Variants in ADAMTS6 observed in about 807,000 individuals in gnomAD.
ADAMTS6 encodes ADAM metallopeptidase with thrombospondin type 1 motif 6.
Under a neutral mutation model 144.3 loss-of-function variants are expected in ADAMTS6, and 23 were observed. The observed-to-expected ratio is 0.16, with a 90% CI of 0.11 to 0.23. The LOEUF (loss-of-function observed/expected upper bound fraction) is 0.23. Among genes scored for constraint, ADAMTS6 ranks in the 10% least tolerant of loss-of-function variants. ADAMTS6 has a pLI of 1.00. For synonymous variants in ADAMTS6, 444 were observed against 457.5 expected (o/e 0.97, Z 0.38); for missense variants, 999 against 1,379.6 (o/e 0.72, Z 4.37).
chr5:65,421,735 T>G (rs184143360), intron 7 of ADAMTS6, among the ~76,000 whole-genome samples: 159 of 152,238 alleles, frequency 1.0e-3, no homozygotes, highest in African/African-American at 3.8e-3. Flanking sequence ...ACATAAATGG[T>G]GCTTGGAAAA....
chr5:65,239,993 ACTC>A (rs1417714116), intron 15 of ADAMTS6, among the ~76,000 whole-genome samples: 1 of 152,114 alleles, frequency 6.6e-6, no homozygotes, highest in Non-Finnish European at 1.5e-5. Context: ...CAGCAATTCT[ACTC>A]CTAAGTATTT....
At chr5:65,256,202 C>T (rs1456812259) in intron 14 of ADAMTS6, among the ~76,000 whole-genome samples, 1 of 152,216 alleles carries the variant, frequency 6.6e-6, no homozygotes, top group Admixed American at 6.6e-5. Context: ...TTCTGTTCTT[C>T]AGCTGCACTA....
chr5:65,229,911 A>G (rs1758015737), intron 15 of ADAMTS6, among the ~76,000 whole-genome samples: 1 of 152,160 alleles, frequency 6.6e-6, no homozygotes, highest in African/African-American at 2.4e-5. Flanking sequence ...CATGAAGCTC[A>G]AAGATCTCTA....
chr5:65,334,216 C>T (rs1311633052), intron 7 of ADAMTS6, 131 bp from the exon 8 acceptor site: 5 of 1,043,440 alleles, frequency 4.8e-6, no homozygotes, highest in Non-Finnish European at 6.8e-6. Flanking sequence ...ACTGGAGTGT[C>T]GGCATTTTCA....
At chr5:65,215,934 G>A (rs1756883907) in intron 18 of ADAMTS6, among the ~76,000 whole-genome samples, 1 of 152,118 alleles carries the variant, frequency 6.6e-6, no homozygotes, top group African/African-American at 2.4e-5. Context: ...GTTCATATGG[G>A]AATTCTGTTT....
chr5:65,226,662 T>C (rs963381107), intron 15 of ADAMTS6, among the ~76,000 whole-genome samples: 1 of 152,072 alleles, frequency 6.6e-6, no homozygotes, highest in Non-Finnish European at 1.5e-5. Flanking sequence ...GTCAGCTCAC[T>C]GCAACCTCTG....
At chr5:65,315,673 C>T (rs1744924505) in intron 9 of ADAMTS6, among the ~76,000 whole-genome samples, 1 of 140,298 alleles carries the variant, frequency 7.1e-6, no homozygotes, top group Non-Finnish European at 1.5e-5. Context: ...CATGCTAACA[C>T]TAATCTAAAG....
chr5:65,357,893 T>C (rs1214832986), intron 7 of ADAMTS6, among the ~76,000 whole-genome samples: 4 of 151,838 alleles, frequency 2.6e-5, no homozygotes, highest in Non-Finnish European at 4.4e-5. Context: ...CACTAGTGAA[T>C]TATACTAAAT....
chr5:65,375,581 G>A (rs1268003445), intron 7 of ADAMTS6, among the ~76,000 whole-genome samples: 1 of 152,080 alleles, frequency 6.6e-6, no homozygotes, highest in South Asian at 2.1e-4. Flanking sequence ...ACATCAGTTA[G>A]AATGGCAATC....
intron 22 of ADAMTS6, among the ~76,000 whole-genome samples, chr5:65,176,127 G>T (rs995858253): frequency 1.1e-4 from 9 of 82,732 alleles, no homozygotes; most frequent in South Asian, 6.0e-4. Flanking sequence ...GGGAAAAAAA[G>T]GGGGGGGCAG....
rs1754782968 is a variant in ADAMTS6 at position 65,188,103 on chromosome 5, A to G, written c.2823T>C (p.Ser941=). Residue 941 remains serine, a synonymous_variant, in exon 22 of 25, where the codon AGT becomes AGC. Transcript: ENST00000381055. ...GPSEEETLDY[S]GCLTHRPVEK... ...CGACAGGCCGGTGTGTTAAACAACC[A>G]CTGTAGTCCAGCGTCTCCTCCTCAG... is the stretch of plus-strand genomic sequence containing the variant. The G allele has an allele frequency of 4.3e-6, 7 of 1,614,162 alleles. No individual in the cohort carries two copies. The highest frequency in any genetic ancestry group is 5.9e-6 in the Non-Finnish European group (7 of 1,179,998).
chr5:65,376,314 G>T (rs1045573785), intron 7 of ADAMTS6, among the ~76,000 whole-genome samples: 2 of 152,056 alleles, frequency 1.3e-5, no homozygotes, highest in African/African-American at 4.8e-5. Flanking sequence ...AGCCGGACAT[G>T]GTGGCACGCG....
chr5:65,258,694 T>C (rs928554245), intron 14 of ADAMTS6, among the ~76,000 whole-genome samples: 1 of 152,088 alleles, frequency 6.6e-6, no homozygotes, highest in Admixed American at 6.5e-5. Context: ...TCCTGAGGAA[T>C]TGGATATAAG....
chr5:65,299,770 C>A (rs572938780), intron 10 of ADAMTS6, among the ~76,000 whole-genome samples: 1 of 152,202 alleles, frequency 6.6e-6, no homozygotes, highest in East Asian at 1.9e-4. Context: ...ATCAGTCCCA[C>A]TTACATCCTT....
intron 7 of ADAMTS6, among the ~76,000 whole-genome samples, chr5:65,390,222 T>C (rs1752802208): frequency 6.6e-6 from 1 of 152,226 alleles, no homozygotes. Flanking sequence ...GTGAGAGATT[T>C]CACCTGGTGT....
chr5:65,397,541 T>C (rs1473446743), intron 7 of ADAMTS6, among the ~76,000 whole-genome samples: 2 of 152,106 alleles, frequency 1.3e-5, no homozygotes, highest in Admixed American at 1.3e-4. Context: ...TATTTTTAAT[T>C]TCTCTTCAGA....
intron 7 of ADAMTS6, among the ~76,000 whole-genome samples, chr5:65,444,776 A>AT (rs149823187): frequency 1.9e-4 from 28 of 149,950 alleles, no homozygotes; most frequent in South Asian, 6.4e-4. Flanking sequence ...AGGATACCAC[A>AT]TTTTTTTTTT....
intron 7 of ADAMTS6, among the ~76,000 whole-genome samples, chr5:65,382,365 T>C (rs1269785635): frequency 1.3e-5 from 2 of 152,226 alleles, no homozygotes; most frequent in African/African-American, 4.8e-5. Context: ...CTATGAAATA[T>C]CTGATTTGAG....
intron 7 of ADAMTS6, among the ~76,000 whole-genome samples, chr5:65,346,700 GAA>G (rs1207210627): frequency 2.0e-5 from 3 of 151,616 alleles, no homozygotes; most frequent in African/African-American, 7.3e-5. Context: ...ACATTTGAAA[GAA>G]AGACATAAAA....
Sources: gnomAD v4.1 joint callset for allele counts (sites outside exome capture counted in the v4.1 genomes callset) on GRCh38, gnomAD v4.1.1 for gene constraint, MANE v1.5 for transcripts, NCBI Gene and HGNC (gene_info 2026-07-23, HGNC 2026-07-21) for gene names.